The following STAM variants were observed in gnomAD, a reference collection of about 807,000 sequenced individuals.
STAM encodes the protein signal transducing adaptor molecule, also known as signal transducing adapter molecule 1.
In STAM, 16 loss-of-function variants were observed where a neutral mutation model predicts 63.4. The ratio of observed to expected loss-of-function variants is 0.25; its 90% CI spans 0.17 to 0.38. The LOEUF is 0.38. Ranked by LOEUF, STAM falls within the 10% of genes least tolerant of loss-of-function variation. The probability of loss-of-function intolerance (pLI) is 1.00; values close to 1 mark genes in which losing one functional copy is unlikely to be tolerated. For missense variants in STAM, 636 were observed against 657.1 expected (o/e 0.97, Z 0.35); for synonymous variants, 238 against 223.9 (o/e 1.06, Z -0.56).
At chr10:17,666,935 A>G (rs939314583) in intron 2 of STAM, among the ~76,000 whole-genome samples, 1 of 152,150 alleles carries the variant, frequency 6.6e-6, no homozygotes. Context: ...TGCTCTTTTA[A>G]GAATAATCGT....
chr10:17,678,038 A>G (rs1012672447), intron 2 of STAM, among the ~76,000 whole-genome samples: 1 of 152,176 alleles, frequency 6.6e-6, no homozygotes, highest in African/African-American at 2.4e-5. Context: ...GTGGGTTTTA[A>G]TATGTTCATA....
intron 1 of STAM, among the ~76,000 whole-genome samples, chr10:17,656,400 G>T (rs1310204143): frequency 6.6e-6 from 1 of 152,016 alleles, no homozygotes; most frequent in Non-Finnish European, 1.5e-5. Context: ...ATGTGGTTAG[G>T]TCTCATTGAC....
intron 12 of STAM, 72 bp from the exon 13 acceptor site, chr10:17,708,704 C>G (rs1378758699): frequency 7.1e-7 from 1 of 1,407,502 alleles, no homozygotes; most frequent in East Asian, 2.4e-5. Context: ...TAACTGAATA[C>G]CTCTACAGAG....
intron 6 of STAM, 33 bp downstream of exon 6, chr10:17,693,345 CAT>C (rs1681292179): frequency 2.0e-6 from 3 of 1,502,440 alleles, no homozygotes; most frequent in Middle Eastern, 1.7e-4. Flanking sequence ...GTGGGAATAA[CAT>C]AAGCCTTTAT....
intron 1 of STAM, among the ~76,000 whole-genome samples, chr10:17,649,227 G>C (rs936788292): frequency 6.6e-6 from 1 of 152,028 alleles, no homozygotes; most frequent in African/African-American, 2.4e-5. Flanking sequence ...AACATAATGA[G>C]ACCCTGTCTC....
chr10:17,691,225 A>G (rs1554826759), intron 5 of STAM, among the ~76,000 whole-genome samples: 1 of 152,170 alleles, frequency 6.6e-6, no homozygotes, highest in Non-Finnish European at 1.5e-5. Flanking sequence ...GCTCTTCTAA[A>G]AATAAATGCC....
chr10:17,655,487 C>T (rs1202476388), intron 1 of STAM, among the ~76,000 whole-genome samples: 3 of 152,008 alleles, frequency 2.0e-5, no homozygotes, highest in East Asian at 3.9e-4. Context: ...TTTAGTTGTC[C>T]GGTGGTAGTG....
rs1193533978 is a variant in STAM at position 17,708,846 on chromosome 10, G to C, written c.1280G>C (p.Ser427Thr). The part of the protein sequence containing the change: ...AGNAQMSHLQ[S>T]YSLPPEQLSS... ...AACGCGCAGATGAGCCACCTCCAGA[G>C]CTACAGTCTTCCCCCGGAGCAGCTG... Residue 427 changes from serine (S) to threonine (T), a missense_variant, in exon 13 of 14, where the codon AGC becomes ACC. By Grantham distance (58) the Ser-to-Thr change is moderately conservative (BLOSUM62 1). Coordinates refer to ENST00000377524, the MANE Select transcript of STAM (RefSeq NM_003473.4). 2 of 1,614,192 alleles carry C rather than the reference G, an allele frequency of 1.2e-6. No individual in the cohort carries two copies. Among genetic ancestry groups the C allele is most frequent in the East Asian group, 4.5e-5 (2 of 44,884 alleles).
At chr10:17,657,933 G>C (rs1302617878) in intron 1 of STAM, among the ~76,000 whole-genome samples, 2 of 150,890 alleles carry the variant, frequency 1.3e-5, no homozygotes, top group Non-Finnish European at 2.9e-5. Flanking sequence ...TGGTTGTGCT[G>C]ATTTTCTGTA....
At position 17,714,913 on chromosome 10, in the gene STAM, A is replaced by G. The variant is rs1363010132; in HGVS notation, c.*133A>G. The G allele has an allele frequency of 3.6e-5, 32 of 887,072 alleles. No homozygotes were observed. Among genetic ancestry groups the G allele is most frequent in the South Asian group, 4.6e-5 (3 of 64,842 alleles). The allele number at this position is 887,072 out of a possible 1,614,324, so 55.0% of individuals were successfully genotyped here. On this transcript the variant is annotated 3_prime_UTR_variant, in exon 14 of 14. Coordinates refer to ENST00000377524, the MANE Select transcript of STAM (RefSeq NM_003473.4). ...CCAGGTCAACAGGTTCAAATATTCA[A>G]GAAGGTAGAACTCTCCTCAATTTAC...
chr10:17,696,713 A>G (rs1835773220), intron 7 of STAM, 62 bp from the exon 8 acceptor site: 2 of 1,244,514 alleles, frequency 1.6e-6, no homozygotes, highest in Non-Finnish European at 2.3e-6. Context: ...ACTACAAAAG[A>G]TAAAGATGTA....
chr10:17,671,463 G>T (rs1413808443), intron 2 of STAM, among the ~76,000 whole-genome samples: 1 of 152,176 alleles, frequency 6.6e-6, no homozygotes, highest in Non-Finnish European at 1.5e-5. Context: ...TACAGATGAG[G>T]TCTGTCAAAG....
rs782393000 is a variant in STAM at position 17,684,709 on chromosome 10, G to A, written c.160G>A (p.Val54Met). The A allele has an allele frequency of 2.2e-5, 35 of 1,613,924 alleles. No homozygotes were observed. Among genetic ancestry groups the A allele is most frequent in the Middle Eastern group, 1.6e-4 (1 of 6,084 alleles). ...TTGTCTTCGGTCTATTATGAGAAGA[G>A]TGAACCACAAAGATCCTCACGTTGC... ...KDCLRSIMRRVNHKDPHVAMQ... is the reference protein window; with the variant it reads ...KDCLRSIMRRMNHKDPHVAMQ... The change falls in exon 3 of 14, where the codon GTG becomes ATG. Residue 54 changes from valine to methionine, a missense_variant. Coordinates refer to ENST00000377524, the MANE Select transcript of STAM (RefSeq NM_003473.4).
Position 17,714,448 on chromosome 10 carries a change from A to G in STAM, c.1386-95A>G, listed in dbSNP as rs148087202. 1.4e-3 allele frequency: 1,590 copies of G among 1,147,944 alleles called. 12 individuals carry two copies. In the African/African-American group the frequency reaches 0.02, roughly 14 times the overall value. The allele number at this position is 1,147,944 out of a possible 1,614,324, so 71.1% of individuals were successfully genotyped here. ...TAAAAGGTTATTAAATGAATTGACT[A>G]TATGAATGAATGCTTAGTAAATAGC... On this transcript the variant is annotated intron_variant, in intron 13 of 13. Transcript: ENST00000377524.
At chr10:17,698,837 T>C (rs1052765102) in intron 8 of STAM, among the ~76,000 whole-genome samples, 2 of 152,222 alleles carry the variant, frequency 1.3e-5, no homozygotes, top group East Asian at 1.9e-4. Flanking sequence ...GTTTTTCTTA[T>C]GGGTAATGGC....
chr10:17,696,890 C>T, intron 8 of STAM, 21 bp downstream of exon 8: 1 of 1,564,458 alleles, frequency 6.4e-7, no homozygotes, highest in Non-Finnish European at 8.8e-7. Context: ...TCCAGCCTGC[C>T]AATAAATGAT....
intron 1 of STAM, among the ~76,000 whole-genome samples, chr10:17,657,299 G>C (rs1833979789): frequency 6.6e-6 from 1 of 152,158 alleles, no homozygotes; most frequent in African/African-American, 2.4e-5. Context: ...GATAATTGCT[G>C]AATCACCCAA....
chr10:17,705,330 T>A (rs1342818532), intron 11 of STAM, among the ~76,000 whole-genome samples: 1 of 152,204 alleles, frequency 6.6e-6, no homozygotes, highest in African/African-American at 2.4e-5. Flanking sequence ...GACCCATATG[T>A]TAGTAACTAG....
At chr10:17,695,354 G>A (rs1467752164) in intron 7 of STAM, 113 bp downstream of exon 7, 4 of 1,011,878 alleles carry the variant, frequency 4.0e-6, no homozygotes, top group Non-Finnish European at 5.7e-6. Context: ...TGACCCAGAT[G>A]CTGCTCTGTA....
Sources: gnomAD v4.1 joint callset for allele counts (sites outside exome capture counted in the v4.1 genomes callset) on GRCh38, gnomAD v4.1.1 for gene constraint, MANE v1.5 for transcripts, NCBI Gene and HGNC (gene_info 2026-07-23, HGNC 2026-07-21) for gene names.